MARCHF4: variants seen among roughly 807,000 people sequenced by gnomAD.
The protein encoded by MARCHF4 is membrane associated ring-CH-type finger 4.
A neutral mutation model predicts 43.9 loss-of-function variants in MARCHF4; 14 were observed. The observed-to-expected ratio is 0.32, with a 90% CI of 0.21 to 0.50. The LOEUF is 0.50. Ranked by LOEUF, MARCHF4 falls within the 20% of genes least tolerant of loss-of-function variation. The probability of loss-of-function intolerance (pLI) is 0.98; values close to 1 mark genes in which losing one functional copy is unlikely to be tolerated. For synonymous variants in MARCHF4, 226 were observed against 213.3 expected (o/e 1.06, Z -0.52); for missense variants, 468 against 536.7 (o/e 0.87, Z 1.27).
chr2:216,323,601 A>G (rs1315106751), intron 1 of MARCHF4, among the ~76,000 whole-genome samples: 3 of 152,250 alleles, frequency 2.0e-5, no homozygotes, highest in African/African-American at 7.2e-5. Context: ...AACACAAATT[A>G]TAACAAACTA....
intron 1 of MARCHF4, among the ~76,000 whole-genome samples, chr2:216,344,222 C>G (rs137956775): frequency 2.0e-5 from 3 of 150,402 alleles, no homozygotes; most frequent in African/African-American, 7.4e-5. Context: ...CTTTTTAACT[C>G]ATCCACAGCA....
chr2:216,365,766 T>C (rs1692656969), intron 1 of MARCHF4, among the ~76,000 whole-genome samples: 2 of 152,206 alleles, frequency 1.3e-5, no homozygotes, highest in Admixed American at 6.5e-5. Flanking sequence ...GATATTACTG[T>C]AATTCACTCA....
intron 2 of MARCHF4, among the ~76,000 whole-genome samples, chr2:216,281,764 C>G (rs561017609): frequency 5.9e-5 from 9 of 152,254 alleles, no homozygotes; most frequent in African/African-American, 1.7e-4. Context: ...TCAGAGGGAG[C>G]CCCCAGCAGT....
intron 1 of MARCHF4, among the ~76,000 whole-genome samples, chr2:216,301,399 G>A (rs1348651631): frequency 6.6e-6 from 1 of 152,200 alleles, no homozygotes; most frequent in Admixed American, 6.5e-5. Flanking sequence ...CAACTTCCAT[G>A]AGAGAAGCAC....
chr2:216,281,262 T>C (rs1205095848), intron 2 of MARCHF4, among the ~76,000 whole-genome samples: 2 of 151,932 alleles, frequency 1.3e-5, no homozygotes, highest in Non-Finnish European at 2.9e-5. Context: ...AGGGTCTCAT[T>C]ATGTTGCCCA....
intron 1 of MARCHF4, among the ~76,000 whole-genome samples, chr2:216,318,474 T>C (rs1691820616): frequency 1.3e-5 from 2 of 152,110 alleles, no homozygotes; most frequent in African/African-American, 4.8e-5. Flanking sequence ...ATGAAGATAA[T>C]TAAATCTCAA....
At chr2:216,340,597 G>C (rs1045357561) in intron 1 of MARCHF4, among the ~76,000 whole-genome samples, 1 of 152,272 alleles carries the variant, frequency 6.6e-6, no homozygotes, top group East Asian at 1.9e-4. Context: ...AACAGTCTTA[G>C]CCTACCCTTG....
intron 3 of MARCHF4, among the ~76,000 whole-genome samples, chr2:216,270,477 A>G (rs374201238): frequency 1.3e-5 from 2 of 152,160 alleles, no homozygotes; most frequent in East Asian, 3.9e-4. Context: ...CCTCTACGTC[A>G]CAGGAGGGGA....
chr2:216,281,837 C>T (rs937550118), intron 2 of MARCHF4, among the ~76,000 whole-genome samples: 1 of 152,132 alleles, frequency 6.6e-6, no homozygotes, highest in Non-Finnish European at 1.5e-5. Context: ...CATATGGATC[C>T]TTATAGATCC....
In MARCHF4 at chr2:216,354,957, TTCTTTCTTTCTTTCTTTC is replaced by T. The variant is rs1349229275; in HGVS notation, c.516+14770_516+14787del. 9.6e-5 allele frequency among the ~76,000 whole-genome samples: 14 copies of T among 146,284 alleles called. No homozygotes were observed. In the South Asian group the frequency reaches 3.2e-3, roughly 33 times the overall value. On this transcript the variant is annotated intron_variant, in intron 1 of 3. Coordinates refer to ENST00000273067, the MANE Select transcript of MARCHF4 (RefSeq NM_020814.3). ...TTTCTTTCTTTCTTTCTTTCTTTCT[TTCTTTCTTTCTTTCTTTC>T]TTTCTTTCTTTTTTGAGACAGAGTC...
intron 1 of MARCHF4, among the ~76,000 whole-genome samples, chr2:216,339,178 C>G (rs1028023510): frequency 6.6e-6 from 1 of 152,182 alleles, no homozygotes; most frequent in Admixed American, 6.5e-5. Flanking sequence ...ACCTAGTCAC[C>G]AATCCCCCCT....
At chr2:216,270,803 C>T (rs1159110557) in intron 3 of MARCHF4, among the ~76,000 whole-genome samples, 1 of 152,128 alleles carries the variant, frequency 6.6e-6, no homozygotes, top group Non-Finnish European at 1.5e-5. Flanking sequence ...CTCTCACTCT[C>T]CTAAGAGGGA....
intron 1 of MARCHF4, among the ~76,000 whole-genome samples, chr2:216,327,265 TC>T (rs1014325523): frequency 6.6e-6 from 1 of 152,154 alleles, no homozygotes; most frequent in Non-Finnish European, 1.5e-5. Flanking sequence ...CCATGCCCTT[TC>T]TATTCCCTAT....
At chr2:216,366,117 C>T (rs1398121949) in intron 1 of MARCHF4, among the ~76,000 whole-genome samples, 1 of 152,154 alleles carries the variant, frequency 6.6e-6, no homozygotes, top group Non-Finnish European at 1.5e-5. Context: ...TAACAAAATG[C>T]TACGATGGCA....
chr2:216,369,829 G>A lies in MARCHF4; in HGVS notation c.432C>T (p.Thr144=), dbSNP rs374936017. The change falls in exon 1 of 4, where the codon ACC becomes ACT. Residue 144 remains threonine (T), a synonymous_variant. Coordinates refer to ENST00000273067, the MANE Select transcript of MARCHF4 (RefSeq NM_020814.3). ...TGCTGCCCAGTGAGTAGCGATCCTC[G>A]GTCTTCTCCTTACAGAAGTCATCTG... ...ASSDDFCKEK[T]EDRYSLGSSL... 9.9e-6 allele frequency: 16 copies of A among 1,613,820 alleles called. No homozygotes were observed. The highest frequency in any genetic ancestry group is 1.7e-5 in the Admixed American group (1 of 60,004).
At chr2:216,272,397 T>G (rs1690953230) in intron 3 of MARCHF4, among the ~76,000 whole-genome samples, 1 of 152,188 alleles carries the variant, frequency 6.6e-6, no homozygotes, top group East Asian at 1.9e-4. Context: ...TGGGGCTCAC[T>G]GAATTTCTGA....
chr2:216,344,929 G>C (rs1260902016), intron 1 of MARCHF4, among the ~76,000 whole-genome samples: 3 of 151,862 alleles, frequency 2.0e-5, no homozygotes, highest in African/African-American at 7.3e-5. Context: ...GGAAAGGGGA[G>C]AGTCTAGGTA....
At chr2:216,299,219 T>C (rs1039241340) in intron 1 of MARCHF4, among the ~76,000 whole-genome samples, 1 of 151,970 alleles carries the variant, frequency 6.6e-6, no homozygotes, top group Non-Finnish European at 1.5e-5. Context: ...ACTGTGGCAA[T>C]CTTGGAGGGG....
chr2:216,259,850 G>A (rs1690712985), intron 3 of MARCHF4, 171 bp from the exon 4 acceptor site: 2 of 652,458 alleles, frequency 3.1e-6, no homozygotes, highest in Non-Finnish European at 2.6e-6. Context: ...TAGGCAGAAG[G>A]TGGAGGGGCC....
Sources: gnomAD v4.1 joint callset for allele counts (sites outside exome capture counted in the v4.1 genomes callset) on GRCh38, gnomAD v4.1.1 for gene constraint, MANE v1.5 for transcripts, NCBI Gene and HGNC (gene_info 2026-07-23, HGNC 2026-07-21) for gene names.